KATNAL1: variants seen among roughly 807,000 people sequenced by gnomAD.
KATNAL1 encodes the protein katanin p60 ATPase-containing subunit A-like 1.
KATNAL1 carries 32 observed loss-of-function variants against 55.2 expected under a neutral mutation model. That is an observed-to-expected ratio of 0.58 (90% confidence interval 0.44 to 0.78). The LOEUF (loss-of-function observed/expected upper bound fraction) is 0.78, where lower values mean the gene tolerates loss of function less well. Ranked by LOEUF, KATNAL1 falls within the 30% of genes least tolerant of loss-of-function variation. KATNAL1 has a pLI of 0.00. For synonymous variants in KATNAL1, 193 were observed against 193.6 expected (o/e 1.00, Z 0.02); for missense variants, 466 against 600.9 (o/e 0.78, Z 2.35).
chr13:30,244,496 G>A (rs1283489523), intron 4 of KATNAL1, among the ~76,000 whole-genome samples: 7 of 152,104 alleles, frequency 4.6e-5, no homozygotes, highest in African/African-American at 1.7e-4. Context: ...TTGAGGAATC[G>A]CCACACTGTC....
intron 4 of KATNAL1, among the ~76,000 whole-genome samples, chr13:30,245,149 T>A (rs995885110): frequency 3.3e-5 from 5 of 151,764 alleles, no homozygotes; most frequent in African/African-American, 7.3e-5. Flanking sequence ...AAAGCAAAAA[T>A]TCTCAATAAA....
chr13:30,218,574 C>A (rs1375699198), intron 9 of KATNAL1, among the ~76,000 whole-genome samples: 1 of 152,140 alleles, frequency 6.6e-6, no homozygotes, highest in Non-Finnish European at 1.5e-5. Flanking sequence ...CAGTCTAATT[C>A]CCCTCCCCTT....
intron 9 of KATNAL1, among the ~76,000 whole-genome samples, chr13:30,212,616 C>T (rs1458266092): frequency 1.3e-5 from 2 of 152,198 alleles, no homozygotes; most frequent in African/African-American, 4.8e-5. Flanking sequence ...TCTATTAATA[C>T]TGCAGCTGTG....
intron 5 of KATNAL1, 78 bp downstream of exon 5, chr13:30,240,879 CAA>C (rs755895015): frequency 6.8e-5 from 87 of 1,280,052 alleles, no homozygotes; most frequent in African/African-American, 3.1e-4. Flanking sequence ...TAATGAATAA[CAA>C]GAGAAAACTC....
At chr13:30,217,651 G>A (rs1277403947) in intron 9 of KATNAL1, among the ~76,000 whole-genome samples, 2 of 152,112 alleles carry the variant, frequency 1.3e-5, no homozygotes, top group Non-Finnish European at 2.9e-5. Context: ...GTCCAGTACA[G>A]GAGACAACAA....
At chr13:30,251,504 G>C (rs1878314908) in intron 4 of KATNAL1, among the ~76,000 whole-genome samples, 1 of 152,174 alleles carries the variant, frequency 6.6e-6, no homozygotes, top group East Asian at 1.9e-4. Flanking sequence ...GGAGCCTGTT[G>C]GCCCCTTCCA....
chr13:30,267,221 T>C (rs1266835905), intron 3 of KATNAL1, among the ~76,000 whole-genome samples: 2 of 152,252 alleles, frequency 1.3e-5, no homozygotes, highest in African/African-American at 2.4e-5. Flanking sequence ...AATTTATTTT[T>C]TGCCTAACTC....
chr13:30,305,469 G>A (rs1883121085), intron 1 of KATNAL1, among the ~76,000 whole-genome samples: 1 of 152,156 alleles, frequency 6.6e-6, no homozygotes, highest in South Asian at 2.1e-4. Flanking sequence ...ACAGAGTCAG[G>A]ATCTTTCTAC....
chr13:30,251,403 T>C (rs1878303306), intron 4 of KATNAL1, among the ~76,000 whole-genome samples: 1 of 152,196 alleles, frequency 6.6e-6, no homozygotes, highest in Non-Finnish European at 1.5e-5. Context: ...AATGTGATGT[T>C]ATTAGGAGAC....
intron 9 of KATNAL1, among the ~76,000 whole-genome samples, chr13:30,215,692 G>A (rs993515835): frequency 2.0e-5 from 3 of 151,532 alleles, no homozygotes; most frequent in South Asian, 2.1e-4. Flanking sequence ...ACCAAACACC[G>A]CATGTTCTCA....
intron 3 of KATNAL1, among the ~76,000 whole-genome samples, chr13:30,268,864 A>G (rs969183698): frequency 6.6e-5 from 10 of 152,204 alleles, no homozygotes; most frequent in Non-Finnish European, 1.3e-4. Flanking sequence ...CTTTCAACAA[A>G]TACTTACTGA....
chr13:30,286,258 C>T (rs1341263063), intron 1 of KATNAL1, among the ~76,000 whole-genome samples: 1 of 152,168 alleles, frequency 6.6e-6, no homozygotes, highest in African/African-American at 2.4e-5. Flanking sequence ...TCAGAGATGT[C>T]GGCAACCCCT....
intron 9 of KATNAL1, among the ~76,000 whole-genome samples, chr13:30,224,838 A>G (rs1170393546): frequency 6.6e-6 from 1 of 152,230 alleles, no homozygotes; most frequent in Admixed American, 6.5e-5. Flanking sequence ...TAAGGTGTGT[A>G]GATTTGTATT....
chr13:30,282,273 T>C (rs1268088696), intron 2 of KATNAL1, among the ~76,000 whole-genome samples: 3 of 152,074 alleles, frequency 2.0e-5, no homozygotes, highest in Non-Finnish European at 4.4e-5. Context: ...TTTTAAGGAG[T>C]CTTTCAAAAG....
chr13:30,242,810 G>C (rs1272858454), intron 4 of KATNAL1, among the ~76,000 whole-genome samples: 1 of 152,020 alleles, frequency 6.6e-6, no homozygotes, highest in Non-Finnish European at 1.5e-5. Context: ...CTACAAAAAA[G>C]ATTCTGGAAA....
intron 9 of KATNAL1, among the ~76,000 whole-genome samples, chr13:30,213,135 C>T (rs1310686055): frequency 6.6e-6 from 1 of 152,196 alleles, no homozygotes; most frequent in Non-Finnish European, 1.5e-5. Flanking sequence ...TCAGAGAATA[C>T]TACAAACACC....
chr13:30,241,172 T>A, intron 4 of KATNAL1, 86 bp from the exon 5 acceptor site: 1 of 1,151,266 alleles, frequency 8.7e-7, no homozygotes, highest in African/African-American at 1.6e-5. Context: ...TATAATGCCA[T>A]CACTTTCTAA....
chr13:30,223,498 T>G (rs1321166025), intron 9 of KATNAL1, among the ~76,000 whole-genome samples: 1 of 83,876 alleles, frequency 1.2e-5, no homozygotes, highest in African/African-American at 4.7e-5. Flanking sequence ...CAGGGTAGGG[T>G]AAAAATTAAA....
At position 30,205,821 on chromosome 13, in the gene KATNAL1, G is replaced by GCAATAAA. The variant is rs1873082665; in HGVS notation, c.*2712_*2718dup. ...CCTATAAGGCAACACACTGTCTTCT[G>GCAATAAA]CAATAAAGACTCTGTGTGTGTGTAT... On this transcript the variant is annotated 3_prime_UTR_variant, in exon 11 of 11. Coordinates refer to ENST00000380615, the MANE Select transcript of KATNAL1 (RefSeq NM_032116.5). 1 of 147,468 alleles carries GCAATAAA rather than the reference G, an allele frequency of 6.8e-6. No individual in the cohort carries two copies. The highest frequency in any genetic ancestry group is 7.0e-5 in the Admixed American group (1 of 14,380). 9.1% of individuals were successfully genotyped at this position (147,468 alleles called of 1,614,324 possible).
Sources: allele counts gnomAD v4.1 joint callset (sites outside exome capture counted in the v4.1 genomes callset), GRCh38; gene constraint gnomAD v4.1.1; transcripts MANE v1.5; gene names NCBI Gene and HGNC (gene_info 2026-07-23, HGNC 2026-07-21).